PGM2: variants seen among roughly 807,000 people sequenced by gnomAD.
The protein encoded by PGM2 is phosphopentomutase.
A neutral mutation model predicts 74.6 loss-of-function variants in PGM2; 57 were observed. That is an observed-to-expected ratio of 0.76 (90% CI 0.62 to 0.95). The LOEUF is 0.95. Among genes scored for constraint, PGM2 ranks in the 40% least tolerant of loss-of-function variants. The probability of loss-of-function intolerance (pLI) is 0.00; values close to 1 mark genes in which losing one functional copy is unlikely to be tolerated. For missense variants in PGM2, 706 were observed against 741.9 expected, an observed-to-expected ratio of 0.95 and a Z score of 0.56; for synonymous variants, 273 against 260.7, an observed-to-expected ratio of 1.05 and a Z score of -0.46.
chr4:37,859,292 A>G (rs577678150), intron 13 of PGM2, among the ~76,000 whole-genome samples: 17 of 152,336 alleles, frequency 1.1e-4, no homozygotes, highest in Non-Finnish European at 2.5e-4. Flanking sequence ...AGGCAAATAG[A>G]TAATAATGGT....
intron 10 of PGM2, 124 bp from the exon 11 acceptor site, chr4:37,848,398 A>G (rs1725936126): frequency 2.6e-6 from 2 of 761,266 alleles, no homozygotes; most frequent in South Asian, 2.3e-5. Flanking sequence ...AACATAAGGT[A>G]TTAATGAGAA....
rs1038160707 is a variant in PGM2 at position 37,847,007 on chromosome 4, A to G, written c.1084A>G (p.Lys362Glu). ...GTGGCTTTTTACATCTTGGAAAGAG[A>G]AGAACCAGGATCGCAGTGCTCTCAA... ...GWWLFTSWKE[K>E]NQDRSALKDT... The change falls in exon 9 of 14, where the codon AAG becomes GAG. Residue 362 changes from lysine (K) to glutamate (E), a missense_variant. Lys to Glu is a moderately conservative substitution (Grantham distance 56). Transcript: ENST00000381967. 1 of 1,613,584 alleles carries G rather than the reference A, an allele frequency of 6.2e-7. No homozygotes were observed. Among genetic ancestry groups the G allele is most frequent in the Non-Finnish European group, 8.5e-7 (1 of 1,179,718 alleles).
chr4:37,842,767 G>T (rs1725766397), intron 6 of PGM2, among the ~76,000 whole-genome samples: 2 of 151,870 alleles, frequency 1.3e-5, no homozygotes, highest in African/African-American at 4.8e-5. Context: ...TTCAGGGAAT[G>T]CTCCTGCCTC....
rs199864962 is a variant in PGM2, at chr4:37,861,527, A to T, written c.1754A>T (p.Lys585Met). The change falls in exon 14 of 14, where the codon AAG (lysine) becomes ATG (methionine). Residue 585 changes from lysine to methionine, a missense_variant. Physicochemically the swap from Lys to Met is moderately conservative, Grantham distance 95. Transcript: ENST00000381967. Reference sequence around the variant, plus strand: ...TTTTCCAGTGATCCTGAGCAGCTGAAGAAGGAACTGAATGAACTGGTCAGT... The same window carrying T: ...TTTTCCAGTGATCCTGAGCAGCTGATGAAGGAACTGAATGAACTGGTCAGT... ...PPGNSDPEQL[K>M]KELNELVSAI... is the part of the protein sequence containing the mutation. The T allele has an allele frequency of 6.2e-7, 1 of 1,611,582 alleles. No individual in the cohort carries two copies. Among genetic ancestry groups the T allele is most frequent in the African/African-American group, 1.3e-5 (1 of 74,984 alleles).
chr4:37,861,077 C>A (rs1268591794), intron 13 of PGM2, among the ~76,000 whole-genome samples: 1 of 152,094 alleles, frequency 6.6e-6, no homozygotes, highest in Non-Finnish European at 1.5e-5. Context: ...CAGACATCAT[C>A]ACAAATGTCT....
At position 37,846,058 on chromosome 4, in the gene PGM2, T is replaced by C. The variant is rs553181283; in HGVS notation, c.1007+328T>C. Among the ~76,000 whole-genome samples the C allele has an allele frequency of 7.4e-4, 112 of 152,346 alleles. 3 individuals are homozygous for C. The highest frequency in any genetic ancestry group is 7.2e-4 in the Non-Finnish European group (49 of 68,028). ...AGTGTCTAATGAGGGTAAAGCACTT[T>C]GGTGCTAGCTGTATGCTTCAGTATT... On this transcript the variant is annotated intron_variant, in intron 8 of 13. Transcript: ENST00000381967.
At chr4:37,841,094 A>ATG (rs767857815) in intron 6 of PGM2, among the ~76,000 whole-genome samples, 159 of 115,674 alleles carry the variant, frequency 1.4e-3, no homozygotes, top group Non-Finnish European at 1.6e-3. Context: ...ATATATATAT[A>ATG]TATATATGTG....
chr4:37,826,704 C>G lies in PGM2; in HGVS notation c.-29C>G. The G allele has an allele frequency of 1.3e-6, 2 of 1,525,540 alleles. No individual in the cohort carries two copies. The highest frequency in any genetic ancestry group is 2.5e-5 in the East Asian group (1 of 40,664). 94.5% of individuals were successfully genotyped at this position (1,525,540 alleles called of 1,614,324 possible). A position where few individuals can be genotyped will look rare whatever the true frequency, so the allele number is the denominator to read the frequency against. Reference sequence around the variant, plus strand: ...GGAAGGCAGATCTCACCGCCTGCTTCCCTCTGCAGCGGTAGCACAAGCTCA... The same window carrying G: ...GGAAGGCAGATCTCACCGCCTGCTTGCCTCTGCAGCGGTAGCACAAGCTCA... On this transcript the variant is annotated 5_prime_UTR_variant, in exon 1 of 14. Coordinates refer to ENST00000381967, the MANE Select transcript of PGM2 (RefSeq NM_018290.4).
chr4:37,828,798 T>C (rs1185582614), intron 1 of PGM2, among the ~76,000 whole-genome samples: 1 of 152,252 alleles, frequency 6.6e-6, no homozygotes, highest in Non-Finnish European at 1.5e-5. Flanking sequence ...TTATTGAGGC[T>C]CTTTTATGAG....
intron 12 of PGM2, among the ~76,000 whole-genome samples, chr4:37,850,886 G>A (rs562127451): frequency 6.6e-6 from 1 of 151,376 alleles, no homozygotes; most frequent in African/African-American, 2.4e-5. Flanking sequence ...AGCTACTCAG[G>A]AGCGTGAAGC....
At chr4:37,847,395 C>T in intron 10 of PGM2, 100 bp downstream of exon 10, 1 of 824,184 alleles carries the variant, frequency 1.2e-6, no homozygotes, top group Non-Finnish European at 2.0e-6. Flanking sequence ...GTTTATTTTG[C>T]CTCTCCAGCA....
At chr4:37,851,040 A>C (rs958432089) in intron 12 of PGM2, among the ~76,000 whole-genome samples, 2 of 151,020 alleles carry the variant, frequency 1.3e-5, no homozygotes, top group East Asian at 3.9e-4. Flanking sequence ...CTGTGTGGTC[A>C]TTTCGCACCT....
intron 8 of PGM2, among the ~76,000 whole-genome samples, chr4:37,846,510 G>A (rs749078586): frequency 1.3e-5 from 2 of 152,106 alleles, no homozygotes; most frequent in Admixed American, 6.6e-5. Flanking sequence ...GATCTTAAGG[G>A]GTACTGAGCT....
At position 37,839,941 on chromosome 4, in the gene PGM2, T is replaced by C. The variant is rs1172593858; in HGVS notation, c.525+10T>C. 6.4e-7 allele frequency: 1 copy of C among 1,557,522 alleles called. No homozygotes were observed. The highest frequency in any genetic ancestry group is 1.1e-5 in the South Asian group (1 of 89,824). ...GGATAATGGTTATAAGGTATTTTCC[T>C]TTTTCTACTCCACACGTACATCCTT... On this transcript the variant is annotated intron_variant, in intron 5 of 13. Coordinates refer to ENST00000381967, the MANE Select transcript of PGM2 (RefSeq NM_018290.4).
chr4:37,839,169 A>G lies in PGM2; in HGVS notation c.442-679A>G, dbSNP rs1725641047. Reference sequence around the variant, plus strand: ...GTTTCGCTCTTGTCTCCCAGGCTGGAGTGCAATGGCAGGATCTTGGCTCAC... The same window carrying G: ...GTTTCGCTCTTGTCTCCCAGGCTGGGGTGCAATGGCAGGATCTTGGCTCAC... On this transcript the variant is annotated intron_variant, in intron 4 of 13. Transcript: ENST00000381967. 3.9e-5 allele frequency among the ~76,000 whole-genome samples: 5 copies of G among 127,444 alleles called. No individual in the cohort carries two copies. In the South Asian group the frequency reaches 1.2e-3, roughly 32 times the overall value. 83.6% of individuals were successfully genotyped at this position (127,444 alleles called of 152,430 possible).
At chr4:37,861,483 T>C (rs1711770297) in intron 13 of PGM2, 27 bp from the exon 14 acceptor site, 1 of 1,484,044 alleles carries the variant, frequency 6.7e-7, no homozygotes, top group South Asian at 1.1e-5. Flanking sequence ...TCCCTTGACC[T>C]GGATTTTTTT....
At chr4:37,831,192 C>CAAAAAAAAAAAAAAAAAA (rs11432971) in intron 2 of PGM2, among the ~76,000 whole-genome samples, 1 of 74,090 alleles carries the variant, frequency 1.3e-5, no homozygotes, top group Non-Finnish European at 2.4e-5. Context: ...GACTCTGTCT[C>CAAAAAAAAAAAAAAAAAA]AAAAAAAAAA....
chr4:37,861,401 C>T, intron 13 of PGM2, 109 bp from the exon 14 acceptor site: 2 of 665,638 alleles, frequency 3.0e-6, no homozygotes, highest in Admixed American at 2.3e-5. Flanking sequence ...CCTATTTAGT[C>T]CTCTTCTTAA....
intron 6 of PGM2, among the ~76,000 whole-genome samples, chr4:37,843,525 T>A (rs938079094): frequency 2.0e-5 from 3 of 152,122 alleles, no homozygotes; most frequent in African/African-American, 7.2e-5. Context: ...CTGTTGTTAG[T>A]CTGTATAAAG....
Sources: gnomAD v4.1 joint callset for allele counts (sites outside exome capture counted in the v4.1 genomes callset) on GRCh38, gnomAD v4.1.1 for gene constraint, MANE v1.5 for transcripts, NCBI Gene and HGNC (gene_info 2026-07-23, HGNC 2026-07-21) for gene names.